The following VIT variants were observed in gnomAD, a reference collection of about 807,000 sequenced individuals.
VIT encodes vitrin.
VIT carries 99 observed loss-of-function variants against 78.0 expected under a neutral mutation model. That is an observed-to-expected ratio of 1.27 (90% CI 1.08 to 1.50). The LOEUF (loss-of-function observed/expected upper bound fraction) is 1.50. Ranked by LOEUF, VIT falls within the 40% of genes most tolerant of loss-of-function variation. VIT has a pLI of 0.00. For synonymous variants in VIT, 374 were observed against 334.3 expected (o/e 1.12, Z -1.29); for missense variants, 1,126 against 875.3 (o/e 1.29, Z -3.61).
chr2:36,780,125 C>G (rs544121219), intron 9 of VIT, among the ~76,000 whole-genome samples: 8 of 152,318 alleles, frequency 5.3e-5, no homozygotes, highest in African/African-American at 1.9e-4. Flanking sequence ...TATTTTTCAG[C>G]CTTTGGCTTT....
chr2:36,772,521 G>A (rs945417851), intron 7 of VIT, among the ~76,000 whole-genome samples: 3 of 152,086 alleles, frequency 2.0e-5, no homozygotes, highest in Admixed American at 6.6e-5. Context: ...GGCAACAAGA[G>A]CGAAACTCCA....
chr2:36,745,461 A>C (rs1668080578), intron 4 of VIT, among the ~76,000 whole-genome samples: 1 of 152,122 alleles, frequency 6.6e-6, no homozygotes, highest in Admixed American at 6.5e-5. Context: ...ATATTTTTCC[A>C]TTTGTTCATG....
intron 12 of VIT, among the ~76,000 whole-genome samples, chr2:36,800,606 G>C (rs946775477): frequency 6.6e-6 from 1 of 152,026 alleles, no homozygotes; most frequent in Non-Finnish European, 1.5e-5. Context: ...CTCATCTTGG[G>C]TGCGATGCAC....
chr2:36,751,676 T>G (rs1668473436), intron 4 of VIT, among the ~76,000 whole-genome samples: 2 of 151,774 alleles, frequency 1.3e-5, no homozygotes, highest in African/African-American at 4.8e-5. Context: ...GTGTAGGAAC[T>G]TGGTGGGAAA....
intron 13 of VIT, among the ~76,000 whole-genome samples, chr2:36,804,281 T>G (rs1269449839): frequency 6.6e-6 from 1 of 152,202 alleles, no homozygotes; most frequent in African/African-American, 2.4e-5. Context: ...AGTCTGTCAG[T>G]TCCCAGTGGG....
intron 12 of VIT, among the ~76,000 whole-genome samples, chr2:36,789,531 G>A (rs115425646): frequency 0.013 from 2,008 of 152,208 alleles, 51 homozygotes; most frequent in African/African-American, 0.046. Context: ...ATGAGAGGGC[G>A]GCCCGAGAAG....
intron 1 of VIT, among the ~76,000 whole-genome samples, chr2:36,705,573 G>C (rs1305658278): frequency 2.0e-5 from 3 of 151,996 alleles, no homozygotes; most frequent in African/African-American, 7.2e-5. Flanking sequence ...TAATGGCACG[G>C]GCATACATCA....
chr2:36,717,374 G>C (rs1374761026), intron 2 of VIT, among the ~76,000 whole-genome samples: 36 of 147,396 alleles, frequency 2.4e-4, no homozygotes, highest in African/African-American at 1.0e-4. Flanking sequence ...GTGTGTGTGT[G>C]TGTGTGTGTG....
At chr2:36,758,362 C>T (rs1056602260) in intron 5 of VIT, among the ~76,000 whole-genome samples, 1 of 152,192 alleles carries the variant, frequency 6.6e-6, no homozygotes, top group Non-Finnish European at 1.5e-5. Context: ...TTCAGGCGTC[C>T]TTTTATGGTC....
At chr2:36,787,982 T>G in intron 12 of VIT, 4 of 321,696 alleles carry the variant, frequency 1.2e-5, no homozygotes, top group South Asian at 9.9e-5. Flanking sequence ...TAAATCACTC[T>G]TATTTCAGAT....
intron 4 of VIT, among the ~76,000 whole-genome samples, chr2:36,744,570 A>G (rs553321512): frequency 4.6e-5 from 7 of 152,166 alleles, no homozygotes; most frequent in Non-Finnish European, 7.4e-5. Flanking sequence ...TTCTCTGATG[A>G]TTAGTGATGA....
rs1192655624 is a variant in VIT, at chr2:36,810,325, C to T, written c.1903+1340C>T. 2.6e-5 allele frequency among the ~76,000 whole-genome samples: 4 copies of T among 152,232 alleles called. No homozygotes were observed. The East Asian group carries it at 5.8e-4, about 22-fold the overall frequency. On this transcript the variant is annotated intron_variant, in intron 15 of 15. Coordinates refer to ENST00000379242, the MANE Select transcript of VIT (RefSeq NM_053276.4). The stretch of plus-strand genomic sequence containing the variant: ...TAAAATGTTCAAAGAGCTATGTCCA[C>T]ATAAAAATTTCTAAGAGGGCAACAA...
chr2:36,759,231 G>T, intron 6 of VIT, 185 bp downstream of exon 6: 2 of 1,524,216 alleles, frequency 1.3e-6, no homozygotes, highest in South Asian at 2.5e-5. Flanking sequence ...GCTGAAGAAT[G>T]AAAGCTTTAT....
intron 1 of VIT, among the ~76,000 whole-genome samples, chr2:36,698,090 T>C (rs1664786999): frequency 6.6e-6 from 1 of 152,186 alleles, no homozygotes; most frequent in South Asian, 2.1e-4. Context: ...ATTTATTGAA[T>C]TAAAATACCC....
At chr2:36,785,039 T>G (rs1436178589) in intron 11 of VIT, among the ~76,000 whole-genome samples, 1 of 152,158 alleles carries the variant, frequency 6.6e-6, no homozygotes, top group Non-Finnish European at 1.5e-5. Context: ...ATGTAAGAAA[T>G]AAGGAGAAAA....
In VIT at chr2:36,705,313, G is replaced by T. The variant is rs188361907; in HGVS notation, c.-19+8340G>T. ...AGGGGTTCTTTAGAGCTCATTTGGG[G>T]CATGCCTGCAAACTAGTATTTTTTC... On this transcript the variant is annotated intron_variant, in intron 1 of 15. Coordinates refer to ENST00000379242, the MANE Select transcript of VIT (RefSeq NM_053276.4). 7.9e-5 allele frequency among the ~76,000 whole-genome samples: 12 copies of T among 152,198 alleles called. No individual in the cohort carries two copies. The East Asian group carries it at 1.7e-3, about 22-fold the overall frequency.
intron 15 of VIT, among the ~76,000 whole-genome samples, chr2:36,813,252 C>A (rs1411968092): frequency 1.3e-5 from 2 of 151,864 alleles, no homozygotes; most frequent in Non-Finnish European, 2.9e-5. Flanking sequence ...GAGTTCGAGA[C>A]CAGCCTGGCA....
intron 6 of VIT, among the ~76,000 whole-genome samples, chr2:36,765,612 A>G (rs1332006909): frequency 2.0e-5 from 3 of 152,154 alleles, no homozygotes; most frequent in Admixed American, 6.5e-5. Context: ...TTGGGTGGGG[A>G]CACGGACCCA....
chr2:36,776,354 C>G (rs767851400), intron 9 of VIT, among the ~76,000 whole-genome samples: 3 of 152,180 alleles, frequency 2.0e-5, no homozygotes. Flanking sequence ...ACTGCAGGAG[C>G]TGATAACAGA....
Sources: gnomAD v4.1 joint callset for allele counts (sites outside exome capture counted in the v4.1 genomes callset) on GRCh38, gnomAD v4.1.1 for gene constraint, MANE v1.5 for transcripts, NCBI Gene and HGNC (gene_info 2026-07-23, HGNC 2026-07-21) for gene names.